KCNC4: variants seen among roughly 807,000 people sequenced by gnomAD.
KCNC4 encodes potassium voltage-gated channel subfamily C member 4, also known as voltage-gated potassium channel KCNC4.
KCNC4 carries 23 observed loss-of-function variants against 42.8 expected under a neutral mutation model. That is an observed-to-expected ratio of 0.54 (90% CI 0.39 to 0.76). KCNC4 has a LOEUF of 0.76. Ranked by LOEUF, KCNC4 falls within the 30% of genes least tolerant of loss-of-function variation. The pLI is 0.00. For synonymous variants in KCNC4, 422 were observed against 393.5 expected, an observed-to-expected ratio of 1.07 and a Z score of -0.86; for missense variants, 751 against 898.2, an observed-to-expected ratio of 0.84 and a Z score of 2.10.
chr1:110,269,261 A>G (rs527516058), intron 1 of KCNC4, among the ~76,000 whole-genome samples: 1 of 152,280 alleles, frequency 6.6e-6, no homozygotes, highest in Admixed American at 6.5e-5. Flanking sequence ...AGTAACCACC[A>G]CCACAATCAA....
chr1:110,238,938 T>C (rs1163361249), downstream of KCNC4: 1 of 152,000 alleles, frequency 6.6e-6, no homozygotes, highest in African/African-American at 2.4e-5. Context: ...ATAAAAAATA[T>C]CTCCCACCCG....
At chr1:110,262,855 G>A (rs1310726855) in intron 1 of KCNC4, among the ~76,000 whole-genome samples, 1 of 152,210 alleles carries the variant, frequency 6.6e-6, no homozygotes, top group African/African-American at 2.4e-5. Context: ...AGTCAGGACT[G>A]ATAATAAGCA....
At chr1:110,241,620 A>G (rs1258804671) in exon 4 of KCNC4, 3 of 152,230 alleles carry the variant, frequency 2.0e-5, no homozygotes. Flanking sequence ...CCAAAGTGAT[A>G]TGCAATGGAG....
intron 1 of KCNC4, among the ~76,000 whole-genome samples, chr1:110,261,162 T>TAAC (rs57695186): frequency 0.46 from 69,162 of 151,838 alleles, 16,801 homozygotes; most frequent in African/African-American, 0.64. Context: ...ATCCGGTATT[T>TAAC]AACATTTCAT....
At chr1:110,251,735 GA>G (rs1659253453), downstream of KCNC4, among the ~76,000 whole-genome samples, 1 of 152,174 alleles carries the variant, frequency 6.6e-6, no homozygotes, top group Non-Finnish European at 1.5e-5. Context: ...ACATTAACTC[GA>G]ATGGTCCTCA....
rs750720992 is a variant in KCNC4 at position 110,223,198 on chromosome 1, G to A, written c.913G>A (p.Asp305Asn). Reference sequence around the variant, plus strand: ...CCTGGTGCGCATCGTGTGCTGCCCCGACACGCTGGACTTCGTCAAGAACCT... The same window carrying A: ...CCTGGTGCGCATCGTGTGCTGCCCCAACACGCTGGACTTCGTCAAGAACCT... ...EFLVRIVCCPDTLDFVKNLLN... is the reference protein window; with the variant it reads ...EFLVRIVCCPNTLDFVKNLLN... Residue 305 changes from aspartate to asparagine, a missense_variant, in exon 2 of 4, where the codon GAC becomes AAC. Asp to Asn is a conservative substitution (Grantham distance 23). Coordinates refer to ENST00000438661, the MANE Select transcript of KCNC4 (RefSeq NM_001039574.3). This position sits in a 1 kb window ranked among gnomAD's most constrained non-coding sequence, Gnocchi z 7.5. 24 of 1,614,082 alleles carry A rather than the reference G, an allele frequency of 1.5e-5. No homozygotes were observed. The highest frequency in any genetic ancestry group is 1.9e-5 in the Non-Finnish European group (23 of 1,180,046).
rs146151696 is a variant in KCNC4 at position 110,268,963 on chromosome 1, G to T, written n.31-13571G>T. Among the ~76,000 whole-genome samples, 1,479 of 152,000 alleles carry T rather than the reference G, an allele frequency of 9.7e-3. 19 individuals carry two copies. Among genetic ancestry groups the T allele is most frequent in the African/African-American group, 0.034 (1,422 of 41,450 alleles). On this transcript the variant is annotated intron_variant and non_coding_transcript_variant, in intron 1 of 2. Coordinates refer to the KCNC4 transcript ENST00000412512. Reference sequence around the variant, plus strand: ...GATCTCCTGACCTCGTGATCCGCCCGCCTCGGCCTCCCAAAGTACTGGGAT... The same window carrying T: ...GATCTCCTGACCTCGTGATCCGCCCTCCTCGGCCTCCCAAAGTACTGGGAT...
intron 1 of KCNC4, among the ~76,000 whole-genome samples, chr1:110,216,883 T>C (rs1657821912): frequency 6.6e-6 from 1 of 152,072 alleles, no homozygotes; most frequent in African/African-American, 2.4e-5. Context: ...GCAGCAGAGG[T>C]CCTAGGGCCC....
rs72692339 is a variant in KCNC4 at position 110,228,481 on chromosome 1, G to A, written c.1819+2303G>A. On this transcript the variant is annotated intron_variant, in intron 3 of 3. Transcript: ENST00000438661. ...CCCGCCCTGCAGTGTCTCCTGGAGC[G>A]TGGACCCTGTGGAGCTGCGCCCACT... The A allele has an allele frequency of 6.1e-3, 931 of 152,842 alleles. 7 individuals carry two copies. The highest frequency in any genetic ancestry group is 9.7e-3 in the Non-Finnish European group (659 of 68,126). 9.5% of individuals were successfully genotyped at this position (152,842 alleles called of 1,614,324 possible).
rs762542707 is a variant in KCNC4, at chr1:110,223,188, G to C, written c.903G>C (p.Val301=). 1 of 1,614,224 alleles carries C rather than the reference G, an allele frequency of 6.2e-7. No individual in the cohort carries two copies. Among genetic ancestry groups the C allele is most frequent in the East Asian group, 2.2e-5 (1 of 44,884 alleles). Residue 301 remains valine, a synonymous_variant, in exon 2 of 4, where the codon GTG becomes GTC. Coordinates refer to ENST00000438661, the MANE Select transcript of KCNC4 (RefSeq NM_001039574.3). The surrounding 1 kb of genome is among the most constrained non-coding windows in gnomAD (Gnocchi z 7.5). ...WFTLEFLVRI[V]CCPDTLDFVK... is the part of the protein sequence containing the mutation. Reference sequence around the variant, plus strand: ...CACTGGAGTTCCTGGTGCGCATCGTGTGCTGCCCCGACACGCTGGACTTCG... The same window carrying C: ...CACTGGAGTTCCTGGTGCGCATCGTCTGCTGCCCCGACACGCTGGACTTCG...
intron 1 of KCNC4, among the ~76,000 whole-genome samples, chr1:110,275,873 A>G (rs12407291): frequency 0.29 from 43,354 of 149,996 alleles, 6,710 homozygotes; most frequent in Admixed American, 0.43. Context: ...CAGGAGAATC[A>G]CTTGGACCCG....
downstream of KCNC4, chr1:110,236,753 A>T (rs1189611750): frequency 1.3e-5 from 2 of 152,150 alleles, no homozygotes; most frequent in Non-Finnish European, 2.9e-5. Flanking sequence ...AAGTTACATG[A>T]GGAGTGGCTC....
chr1:110,226,000 C>A lies in KCNC4; in HGVS notation c.1641C>A (p.Asn547Lys). Residue 547 changes from asparagine (N) to lysine (K), a missense_variant, in exon 3 of 4, where the codon AAC (asparagine) becomes AAA (lysine). By Grantham distance (94) the Asn-to-Lys change is moderately conservative. This residue lies in a region of KCNC4 where 202 missense variants were observed against 181.5 expected (regional missense o/e 1.11). Coordinates refer to ENST00000438661, the MANE Select transcript of KCNC4 (RefSeq NM_001039574.3). ...RADSKQNGDA[N>K]AVLSDEEGAG... ...ACTCTAAGCAGAATGGCGATGCCAA[C>A]GCAGTGCTGTCTGATGAGGAGGGAG... 2 of 1,607,654 alleles carry A rather than the reference C, an allele frequency of 1.2e-6. No homozygotes were observed. The highest frequency in any genetic ancestry group is 1.7e-6 in the Non-Finnish European group (2 of 1,175,572).
intron 1 of KCNC4, among the ~76,000 whole-genome samples, chr1:110,261,666 C>A (rs936462247): frequency 6.6e-6 from 1 of 152,142 alleles, no homozygotes; most frequent in African/African-American, 2.4e-5. Flanking sequence ...TATTCCTTTA[C>A]TGGGCAGCAA....
In KCNC4 at chr1:110,223,924, A is replaced by C. The variant is rs1658255225; in HGVS notation, c.1615+24A>C. ...AGGTGAGATTAGGGGTTGGGAAGGA[A>C]AATCCCTTTTCCCCCAGTGGCCTAG... On this transcript the variant is annotated intron_variant, in intron 2 of 3. Coordinates refer to ENST00000438661, the MANE Select transcript of KCNC4 (RefSeq NM_001039574.3). The surrounding 1 kb of genome is among the most constrained non-coding windows in gnomAD (Gnocchi z 7.5). The C allele has an allele frequency of 5.2e-6, 8 of 1,546,558 alleles. No homozygotes were observed. In the Admixed American group the frequency reaches 1.3e-4, roughly 25 times the overall value.
At chr1:110,271,015 T>A (rs2101085671) in intron 1 of KCNC4, among the ~76,000 whole-genome samples, 1 of 152,252 alleles carries the variant, frequency 6.6e-6, no homozygotes, top group South Asian at 2.1e-4. Flanking sequence ...AATGGAAGGA[T>A]CCTGAGGATG....
At chr1:110,276,077 T>C (rs942823150) in intron 1 of KCNC4, among the ~76,000 whole-genome samples, 15 of 151,740 alleles carry the variant, frequency 9.9e-5, no homozygotes, top group African/African-American at 3.6e-4. Flanking sequence ...TGTTCTCTTA[T>C]AAGTGAGAGC....
chr1:110,276,937 GCCGGGT>G (rs1659737376), intron 1 of KCNC4, among the ~76,000 whole-genome samples: 1 of 152,202 alleles, frequency 6.6e-6, no homozygotes, highest in African/African-American at 2.4e-5. Context: ...AGTGCTGAGA[GCCGGGT>G]CATATGTATA....
rs760587471 is a variant in KCNC4 at position 110,213,170 on chromosome 1, TAAAAA to T, written c.678+1016_678+1020del. On this transcript the variant is annotated intron_variant, in intron 1 of 3. Coordinates refer to ENST00000438661, the MANE Select transcript of KCNC4 (RefSeq NM_001039574.3). ...GCTTCCCCCATTATGCTTCGACAGC[TAAAAA>T]AAAAAAAAAAAAAAAAAAAAAATCC... Among the ~76,000 whole-genome samples the T allele has an allele frequency of 1.2e-4, 6 of 50,846 alleles. No individual in the cohort carries two copies. In the South Asian group the frequency reaches 4.4e-3, roughly 37 times the overall value. The allele number at this position is 50,846 out of a possible 152,430, so 33.4% of individuals were successfully genotyped here.
Sources: gnomAD v4.1 joint callset for allele counts (sites outside exome capture counted in the v4.1 genomes callset) on GRCh38, gnomAD v4.1.1 for gene constraint, gnomAD v4.1.1 regional missense constraint, Gnocchi (gnomAD v3.1) non-coding constraint, MANE v1.5 for transcripts, NCBI Gene and HGNC (gene_info 2026-07-23, HGNC 2026-07-21) for gene names.